SLCO1B3: variants seen among roughly 807,000 people sequenced by gnomAD.
The protein encoded by SLCO1B3 is solute carrier organic anion transporter family member 1B3.
Under a neutral mutation model 71.8 loss-of-function variants are expected in SLCO1B3, and 72 were observed. The ratio of observed to expected loss-of-function variants is 1.00; its 90% CI spans 0.83 to 1.22. The LOEUF (loss-of-function observed/expected upper bound fraction) is 1.22, where lower values mean the gene tolerates loss of function less well. Among genes scored for constraint, SLCO1B3 ranks in the 50% most tolerant of loss-of-function variants. The probability of loss-of-function intolerance (pLI) is 0.00; values close to 1 mark genes in which losing one functional copy is unlikely to be tolerated. For missense variants in SLCO1B3, 911 were observed against 819.7 expected, an observed-to-expected ratio of 1.11 and a Z score of -1.36; for synonymous variants, 298 against 278.4, an observed-to-expected ratio of 1.07 and a Z score of -0.70.
Position 20,812,016 on chromosome 12 carries a change from T to C in SLCO1B3, c.-181+1252T>C, listed in dbSNP as rs187121827. ...TCAGCCTCCTGGGTTCAAGTGATTC[T>C]CCTGCCTGAGCTTCCAGAGTAGCTG... On this transcript the variant is annotated intron_variant, in intron 1 of 15. Coordinates refer to ENST00000381545, the MANE Select transcript of SLCO1B3 (RefSeq NM_019844.4). Among the ~76,000 whole-genome samples the C allele has an allele frequency of 6.4e-4, 97 of 151,278 alleles. 1 individual carries two copies. Among genetic ancestry groups the C allele is most frequent in the African/African-American group, 2.3e-3 (93 of 41,256 alleles).
chr12:20,822,122 G>A (rs1864324123), intron 3 of SLCO1B3, among the ~76,000 whole-genome samples: 1 of 152,208 alleles, frequency 6.6e-6, no homozygotes, highest in South Asian at 2.1e-4. Flanking sequence ...ACGGAGCAAA[G>A]AGCAGGAGGA....
At chr12:20,911,571 G>A (rs764754600) in intron 15 of SLCO1B3, among the ~76,000 whole-genome samples, 21 of 152,066 alleles carry the variant, frequency 1.4e-4, no homozygotes, top group Non-Finnish European at 2.9e-4. Flanking sequence ...TCTTGGTTTG[G>A]TGTTTTCTGC....
intron 14 of SLCO1B3, among the ~76,000 whole-genome samples, 183 bp from the exon 15 acceptor site, chr12:20,901,167 A>G (rs1417248012): frequency 6.6e-6 from 1 of 152,316 alleles, no homozygotes; most frequent in South Asian, 2.1e-4. Flanking sequence ...TGACATTACC[A>G]TATGATTTAA....
intron 3 of SLCO1B3, among the ~76,000 whole-genome samples, chr12:20,841,536 G>A (rs1013347242): frequency 7.9e-5 from 12 of 152,080 alleles, no homozygotes; most frequent in African/African-American, 2.4e-4. Flanking sequence ...TTGTCTGTAC[G>A]ATACCTACTT....
At chr12:20,877,477 G>A (rs4149133) in intron 9 of SLCO1B3, among the ~76,000 whole-genome samples, 110,074 of 150,174 alleles carry the variant, frequency 0.73, 42,461 homozygotes, top group South Asian at 0.9. Context: ...ATTGCTCTCA[G>A]GTAGCATAAT....
chr12:20,815,133 T>C (rs1163968769), intron 2 of SLCO1B3, among the ~76,000 whole-genome samples: 1 of 152,068 alleles, frequency 6.6e-6, no homozygotes, highest in East Asian at 1.9e-4. Context: ...ATTTTGCTCT[T>C]TTAAACAAAT....
chr12:20,892,141 T>C (rs752423678), intron 13 of SLCO1B3, among the ~76,000 whole-genome samples: 2 of 152,138 alleles, frequency 1.3e-5, no homozygotes, highest in Non-Finnish European at 2.9e-5. Flanking sequence ...TCTTTATACT[T>C]CCAGAATTCT....
At chr12:20,887,864 C>A (rs1865823286) in intron 13 of SLCO1B3, among the ~76,000 whole-genome samples, 2 of 151,834 alleles carry the variant, frequency 1.3e-5, no homozygotes, top group South Asian at 4.1e-4. Context: ...TCAGGCCTTA[C>A]AATTACGTCT....
chr12:20,856,450 A>G (rs1865138139), intron 4 of SLCO1B3, among the ~76,000 whole-genome samples: 1 of 152,264 alleles, frequency 6.6e-6, no homozygotes, highest in Non-Finnish European at 1.5e-5. Context: ...ATAGAATAGC[A>G]ACTATTTACA....
chr12:20,867,284 T>G (rs1459899347), intron 8 of SLCO1B3, among the ~76,000 whole-genome samples: 2 of 152,172 alleles, frequency 1.3e-5, no homozygotes, highest in Non-Finnish European at 2.9e-5. Flanking sequence ...ATTACACCGT[T>G]GAAGTCGCCA....
In SLCO1B3 at chr12:20,916,112, A is replaced by G. The variant is rs774423704; in HGVS notation, c.1974A>G (p.Ala658=). The G allele has an allele frequency of 6.2e-7, 1 of 1,613,578 alleles. No individual in the cohort carries two copies. Among genetic ancestry groups the G allele is most frequent in the Non-Finnish European group, 8.5e-7 (1 of 1,179,650 alleles). The change falls in exon 16 of 16, where the codon GCA becomes GCG. Residue 658 remains alanine (A), a synonymous_variant. Transcript: ENST00000381545. ...AATTTCAAGGAAAAGATACCAAGGC[A>G]TCGGACAATGAAAGAAAAGTAATGG... The part of the protein sequence containing the change: ...KKKFQGKDTK[A]SDNERKVMDE...
intron 3 of SLCO1B3, among the ~76,000 whole-genome samples, chr12:20,833,128 G>C (rs1409207732): frequency 6.6e-6 from 1 of 152,112 alleles, no homozygotes; most frequent in Non-Finnish European, 1.5e-5. Context: ...CGTGTTCAAA[G>C]CTAGTGAAGT....
At position 20,875,418 on chromosome 12, in the gene SLCO1B3, A is replaced by G. The variant is rs780708027; in HGVS notation, c.911A>G (p.Asp304Gly). ...LSLHVLKTND[D>G]RNQTANLTNQ... ...TTGCATGTGCTGAAAACAAATGATG[A>G]TAGAAATCAAACAGCTAATTTGACC... The change falls in exon 9 of 16, where the codon GAT (aspartate) becomes GGT (glycine). Residue 304 changes from aspartate to glycine, a missense_variant. Coordinates refer to ENST00000381545, the MANE Select transcript of SLCO1B3 (RefSeq NM_019844.4). 2.5e-6 allele frequency: 4 copies of G among 1,607,910 alleles called. No individual in the cohort carries two copies. The highest frequency in any genetic ancestry group is 1.3e-5 in the African/African-American group (1 of 74,446).
chr12:20,888,354 T>G (rs913909178), intron 13 of SLCO1B3, among the ~76,000 whole-genome samples: 2 of 152,022 alleles, frequency 1.3e-5, no homozygotes, highest in Non-Finnish European at 2.9e-5. Flanking sequence ...CTATTTTTTT[T>G]GTGACATATA....
At chr12:20,849,711 TCACACACACACACA>T (rs146186543) in intron 3 of SLCO1B3, among the ~76,000 whole-genome samples, 10 of 126,368 alleles carry the variant, frequency 7.9e-5, no homozygotes, top group South Asian at 6.0e-4. Flanking sequence ...TAGTAGAAAA[TCACACACACACACA>T]CACACACACA....
chr12:20,872,211 C>A (rs1389964298), intron 8 of SLCO1B3, among the ~76,000 whole-genome samples: 2 of 151,904 alleles, frequency 1.3e-5, no homozygotes, highest in African/African-American at 2.4e-5. Flanking sequence ...CACCCATGTT[C>A]AATTAAAGCT....
chr12:20,909,462 C>T (rs546322068), intron 15 of SLCO1B3, among the ~76,000 whole-genome samples: 4 of 151,952 alleles, frequency 2.6e-5, no homozygotes, highest in South Asian at 2.1e-4. Context: ...TGTGAGCCAC[C>T]ACACCCGGTC....
chr12:20,819,926 C>T (rs530640491), intron 3 of SLCO1B3, among the ~76,000 whole-genome samples: 214 of 152,038 alleles, frequency 1.4e-3, no homozygotes, highest in Middle Eastern at 3.4e-3. Flanking sequence ...CAATGAGATG[C>T]GGCTGTAGTC....
At chr12:20,837,763 G>A (rs1864713970) in intron 3 of SLCO1B3, among the ~76,000 whole-genome samples, 1 of 152,108 alleles carries the variant, frequency 6.6e-6, no homozygotes, top group Non-Finnish European at 1.5e-5. Flanking sequence ...TTCCATGTGA[G>A]CTTAAGAATG....
Sources: gnomAD v4.1 joint callset for allele counts (sites outside exome capture counted in the v4.1 genomes callset) on GRCh38, gnomAD v4.1.1 for gene constraint, MANE v1.5 for transcripts, NCBI Gene and HGNC (gene_info 2026-07-23, HGNC 2026-07-21) for gene names.